Variants in FBXO17 observed in about 807,000 individuals in gnomAD.
FBXO17 encodes the protein F-box only protein 17.
In FBXO17, 43 loss-of-function variants were observed where a neutral mutation model predicts 34.1. The observed-to-expected ratio is 1.26, with a 90% CI of 0.99 to 1.62. The LOEUF (loss-of-function observed/expected upper bound fraction) is 1.62. Among genes scored for constraint, FBXO17 ranks in the 40% most tolerant of loss-of-function variants. FBXO17 has a pLI of 0.00. For synonymous variants in FBXO17, 169 were observed against 166.0 expected (o/e 1.02, Z -0.14); for missense variants, 424 against 386.7 (o/e 1.10, Z -0.81).
rs759522183 is a variant in FBXO17, at chr19:38,950,233, C to T, written c.87G>A (p.Val29=). 8 of 1,534,256 alleles carry T rather than the reference C, an allele frequency of 5.2e-6. No individual in the cohort carries two copies. The highest frequency in any genetic ancestry group is 1.4e-5 in the African/African-American group (1 of 71,380). ...AGGAGCGTGGCGGCACGTGGCTCAG[C>T]ACCTGCACCAGCAGCTCCGGGGGCA... ...DALPPELLVQ[V]LSHVPPRSLV... Residue 29 remains valine, a synonymous_variant, in exon 2 of 6, where the codon GTG becomes GTA. Transcript: ENST00000292852.
At chr19:38,950,514 A>G (rs922974921) in intron 1 of FBXO17, among the ~76,000 whole-genome samples, 178 bp from the exon 2 acceptor site, 3 of 152,170 alleles carry the variant, frequency 2.0e-5, no homozygotes, top group Non-Finnish European at 4.4e-5. Flanking sequence ...ACTTGGGTAA[A>G]AGACCCCTGG....
intron 1 of FBXO17, among the ~76,000 whole-genome samples, chr19:38,974,525 A>G (rs1289830454): frequency 6.6e-6 from 1 of 152,206 alleles, no homozygotes; most frequent in East Asian, 1.9e-4. Flanking sequence ...GAGAAGCCGA[A>G]AGTAATGTCC....
chr19:38,965,914 T>A (rs1055112031), intron 1 of FBXO17, among the ~76,000 whole-genome samples: 1 of 152,130 alleles, frequency 6.6e-6, no homozygotes, highest in Non-Finnish European at 1.5e-5. Flanking sequence ...AATGCTGGAA[T>A]TACAGGCATG....
intron 1 of FBXO17, among the ~76,000 whole-genome samples, chr19:38,963,589 G>A (rs1355938129): frequency 6.6e-6 from 1 of 152,042 alleles, no homozygotes; most frequent in East Asian, 1.9e-4. Context: ...CACCGCGCTT[G>A]GCCCATCCAC....
intron 1 of FBXO17, among the ~76,000 whole-genome samples, chr19:38,950,954 G>T (rs1224212514): frequency 6.6e-6 from 1 of 151,920 alleles, no homozygotes; most frequent in Non-Finnish European, 1.5e-5. Context: ...ACCACGCCCG[G>T]CTAATTTTTG....
chr19:38,969,588 CTTTTTTTTTTT>C (rs67681512), intron 1 of FBXO17, among the ~76,000 whole-genome samples: 7 of 103,494 alleles, frequency 6.8e-5, no homozygotes, highest in South Asian at 2.7e-4. Flanking sequence ...AACCACTGGG[CTTTTTTTTTTT>C]TTTTTTTTTT....
At chr19:38,944,940 G>T (rs372292215) in intron 5 of FBXO17, 29 bp downstream of exon 5, 45 of 1,613,134 alleles carry the variant, frequency 2.8e-5, no homozygotes, top group Admixed American at 6.7e-5. Flanking sequence ...TAGCGGGTCG[G>T]GGGGAGCTGG....
chr19:38,966,881 T>G (rs1486924967), intron 1 of FBXO17, among the ~76,000 whole-genome samples: 1 of 152,150 alleles, frequency 6.6e-6, no homozygotes, highest in African/African-American at 2.4e-5. Flanking sequence ...ATTTAGACTA[T>G]TACCTCATAC....
intron 1 of FBXO17, among the ~76,000 whole-genome samples, chr19:38,958,645 G>T (rs1366515582): frequency 6.6e-6 from 1 of 152,068 alleles, no homozygotes; most frequent in African/African-American, 2.4e-5. Context: ...TTGGAGGAAG[G>T]TTACTGGCTG....
At chr19:38,971,302 T>C (rs1975388000) in intron 1 of FBXO17, among the ~76,000 whole-genome samples, 2 of 152,012 alleles carry the variant, frequency 1.3e-5, no homozygotes, top group Non-Finnish European at 2.9e-5. Flanking sequence ...AGCTATGGGA[T>C]TGGAGGAGTC....
In FBXO17 at chr19:38,945,074, G is replaced by T; in HGVS notation, c.588C>A (p.Val196=). ...CCAGAAGGCGGACCCGGAGCTGGTA[G>T]ACGCAGCCGCAGTTCTCTCGAGCGC... The part of the protein sequence containing the change: ...WWGARENCGC[V]YQLRVRLLDV... Residue 196 remains valine (V), a synonymous_variant, in exon 5 of 6, where the codon GTC becomes GTA. Transcript: ENST00000292852. The T allele has an allele frequency of 6.2e-7, 1 of 1,614,242 alleles. No individual in the cohort carries two copies. The highest frequency in any genetic ancestry group is 8.5e-7 in the Non-Finnish European group (1 of 1,180,048).
chr19:38,947,804 T>C (rs529562856), intron 3 of FBXO17, among the ~76,000 whole-genome samples: 3 of 151,912 alleles, frequency 2.0e-5, no homozygotes, highest in East Asian at 3.9e-4. Flanking sequence ...GCTCAAGAGA[T>C]CCTCCCACTT....
At chr19:38,946,362 A>C (rs1828799771) in intron 4 of FBXO17, 110 bp downstream of exon 4, 2 of 1,523,244 alleles carry the variant, frequency 1.3e-6, no homozygotes, top group Non-Finnish European at 1.8e-6. Context: ...CAAAGGGTGC[A>C]CAGTGACAGC....
At chr19:38,951,241 C>A (rs973076522) in intron 1 of FBXO17, among the ~76,000 whole-genome samples, 2 of 151,802 alleles carry the variant, frequency 1.3e-5, no homozygotes, top group African/African-American at 2.4e-5. Context: ...GAAACCAGGA[C>A]TATAGCCTCT....
intron 2 of FBXO17, 46 bp downstream of exon 2, chr19:38,949,925 T>G: frequency 1.9e-4 from 235 of 1,245,038 alleles, no homozygotes; most frequent in Non-Finnish European, 2.4e-4. Context: ...CCCGCCTCGC[T>G]CGCGCGGCCC....
At chr19:38,954,895 T>TTA (rs1975142125) in intron 1 of FBXO17, among the ~76,000 whole-genome samples, 10 of 134,230 alleles carry the variant, frequency 7.4e-5, no homozygotes, top group African/African-American at 2.6e-4. Context: ...AATGTGTTAT[T>TTA]TTATTATTAT....
chr19:38,951,618 C>T (rs1017895838), intron 1 of FBXO17, among the ~76,000 whole-genome samples: 3 of 151,796 alleles, frequency 2.0e-5, no homozygotes, highest in Non-Finnish European at 4.4e-5. Flanking sequence ...GCTTTTCCTC[C>T]CACCAACTGT....
At chr19:38,971,730 T>G (rs1975393376) in intron 1 of FBXO17, among the ~76,000 whole-genome samples, 2 of 150,710 alleles carry the variant, frequency 1.3e-5, no homozygotes, top group Non-Finnish European at 2.9e-5. Flanking sequence ...GAGGCTGCAG[T>G]GAGCCAAGAC....
In FBXO17 at chr19:38,950,157, C is replaced by G. The variant is rs752472609; in HGVS notation, c.163G>C (p.Gly55Arg). Residue 55 changes from glycine (G) to arginine (R), a missense_variant, in exon 2 of 6, where the codon GGG becomes CGG. Gly to Arg is a moderately radical substitution (Grantham distance 125). Transcript: ENST00000292852. Reference sequence around the variant, plus strand: ...AGCTGCAGCAGCCACACAGTGGGCCCGTCCACTATGTCGCGCCAGGCGCGG... The same window carrying G: ...AGCTGCAGCAGCCACACAGTGGGCCGGTCCACTATGTCGCGCCAGGCGCGG... ...VCRAWRDIVDGPTVWLLQLAR... is the reference protein window; with the variant it reads ...VCRAWRDIVDRPTVWLLQLAR... The G allele has an allele frequency of 1.3e-6, 2 of 1,561,948 alleles. No homozygotes were observed. Among genetic ancestry groups the G allele is most frequent in the African/African-American group, 2.7e-5 (2 of 73,432 alleles).
Sources: gnomAD v4.1 joint callset for allele counts (sites outside exome capture counted in the v4.1 genomes callset) on GRCh38, gnomAD v4.1.1 for gene constraint, MANE v1.5 for transcripts, NCBI Gene and HGNC (gene_info 2026-07-23, HGNC 2026-07-21) for gene names.